Variants in WDFY4 observed in about 807,000 individuals in gnomAD.
WDFY4 encodes WD repeat- and FYVE domain-containing protein 4.
Under a neutral mutation model 351.9 loss-of-function variants are expected in WDFY4, and 169 were observed. That is an observed-to-expected ratio of 0.48 (90% confidence interval 0.42 to 0.55). WDFY4 has a LOEUF of 0.55. WDFY4 is among the 20% of genes least tolerant of loss of function. The probability of loss-of-function intolerance (pLI) is 0.00; values close to 1 mark genes in which losing one functional copy is unlikely to be tolerated. For missense variants in WDFY4, 3,803 were observed against 3,935.6 expected (o/e 0.97, Z 0.90); for synonymous variants, 1,622 against 1,574.6 (o/e 1.03, Z -0.71).
At chr10:48,946,779 A>G (rs1841064391) in intron 50 of WDFY4, 81 bp from the exon 51 acceptor site, 2 of 1,037,810 alleles carry the variant, frequency 1.9e-6, no homozygotes, top group Non-Finnish European at 2.9e-6. Flanking sequence ...AATGCCGTTC[A>G]TGAACACAGT....
chr10:48,775,759 A>G lies in WDFY4; in HGVS notation c.2816A>G (p.Lys939Arg). The G allele has an allele frequency of 1.3e-6, 2 of 1,551,734 alleles. No individual in the cohort carries two copies. The highest frequency in any genetic ancestry group is 1.7e-6 in the Non-Finnish European group (2 of 1,147,002). ...CCCTCATCTCTGTCGGCCACAACAA[A>G]AATCCTTGATTCATCTCACACACAC... ...GIPSSLSATT[K>R]ILDSSHTHRG... Residue 939 changes from lysine (K) to arginine (R), a missense_variant, in exon 15 of 62, where the codon AAA becomes AGA. By Grantham distance (26) the Lys-to-Arg change is conservative (BLOSUM62 2). Transcript: ENST00000325239.
At chr10:48,977,201 C>CACACACAG in intron 59 of WDFY4, 1 of 345,768 alleles carries the variant, frequency 2.9e-6, no homozygotes, top group East Asian at 4.4e-5. Flanking sequence ...CACATGCACA[C>CACACACAG]ACACACAGAC....
chr10:48,826,912 A>G lies in WDFY4; in HGVS notation c.6221+3A>G, dbSNP rs2068027883. ...CTTTTGCTACTCAATGAGAGAAGGTAAGAGCTGCCCACTTGTTTCCTTGTC... is the reference window on the plus strand; with the variant it reads ...CTTTTGCTACTCAATGAGAGAAGGTGAGAGCTGCCCACTTGTTTCCTTGTC... On this transcript the variant is annotated splice_donor_region_variant and intron_variant, in intron 36 of 61. Coordinates refer to ENST00000325239, the MANE Select transcript of WDFY4 (RefSeq NM_001394531.1). 6.4e-7 allele frequency: 1 copy of G among 1,550,456 alleles called. No homozygotes were observed. Among genetic ancestry groups the G allele is most frequent in the Non-Finnish European group, 8.7e-7 (1 of 1,145,888 alleles).
chr10:48,777,543 T>G, intron 17 of WDFY4, 48 bp downstream of exon 17: 1 of 1,503,528 alleles, frequency 6.7e-7, no homozygotes, highest in Non-Finnish European at 9.1e-7. Context: ...TTCCAAAGTA[T>G]GAGTCTTCAG....
At chr10:48,736,521 T>C (rs548561109) in intron 11 of WDFY4, among the ~76,000 whole-genome samples, 55 of 152,348 alleles carry the variant, frequency 3.6e-4, no homozygotes, top group African/African-American at 1.3e-3. Flanking sequence ...CACAACACTG[T>C]AAACTATGGA....
intron 47 of WDFY4, among the ~76,000 whole-genome samples, chr10:48,939,484 C>T (rs1840633934): frequency 1.3e-5 from 2 of 152,334 alleles, no homozygotes; most frequent in South Asian, 2.1e-4. Context: ...CCTGACTTCA[C>T]AGCCAGAGCT....
chr10:48,747,117 A>G (rs531073876), intron 12 of WDFY4, among the ~76,000 whole-genome samples: 1 of 152,264 alleles, frequency 6.6e-6, no homozygotes, highest in South Asian at 2.1e-4. Context: ...TTTTCTCCCT[A>G]ATTGCAGAAA....
At position 48,982,648 on chromosome 10, in the gene WDFY4, C is replaced by T; in HGVS notation, c.*73C>T. 6.8e-7 allele frequency: 1 copy of T among 1,470,146 alleles called. No homozygotes were observed. The highest frequency in any genetic ancestry group is 9.3e-7 in the Non-Finnish European group (1 of 1,078,346). The allele number at this position is 1,470,146 out of a possible 1,614,324, so 91.1% of individuals were successfully genotyped here. ...GTGGCAGAGGTGACTGGGGCCTGAG[C>T]TCTGCCTACAGAAGAAACCCCCAGG... On this transcript the variant is annotated 3_prime_UTR_variant, in exon 62 of 62. Transcript: ENST00000325239.
intron 24 of WDFY4, among the ~76,000 whole-genome samples, chr10:48,797,595 C>A (rs2066917997): frequency 6.9e-6 from 1 of 144,136 alleles, no homozygotes; most frequent in African/African-American, 2.8e-5. Flanking sequence ...TAAACATTTT[C>A]ATTACAAACA....
At chr10:48,748,488 T>G (rs1432585811) in intron 12 of WDFY4, among the ~76,000 whole-genome samples, 1 of 152,182 alleles carries the variant, frequency 6.6e-6, no homozygotes, top group Non-Finnish European at 1.5e-5. Context: ...CTTCCTGTTT[T>G]TTTCCTGATA....
At chr10:48,716,166 C>A (rs917499741) in intron 2 of WDFY4, among the ~76,000 whole-genome samples, 17 of 152,144 alleles carry the variant, frequency 1.1e-4, no homozygotes, top group Non-Finnish European at 1.9e-4. Flanking sequence ...AAACTTCATG[C>A]AAAGTCTCAG....
In WDFY4 at chr10:48,716,358, T is replaced by C. The variant is rs377347917; in HGVS notation, c.235-3653T>C. On this transcript the variant is annotated intron_variant, in intron 2 of 61. Coordinates refer to ENST00000325239, the MANE Select transcript of WDFY4 (RefSeq NM_001394531.1). ...TTTTCCTTTGGAGACCAGAGCATCA[T>C]TTTCTTTCTCTTTCTTCCATGTGAA... Among the ~76,000 whole-genome samples the C allele has an allele frequency of 9.8e-5, 15 of 152,330 alleles. No individual in the cohort carries two copies. The East Asian group carries it at 2.1e-3, about 22-fold the overall frequency.
intron 4 of WDFY4, 125 bp from the exon 5 acceptor site, chr10:48,723,308 G>C (rs748002553): frequency 2.4e-6 from 3 of 1,227,778 alleles, no homozygotes; most frequent in Non-Finnish European, 3.3e-6. Context: ...CACACTTGAG[G>C]ACTGGAGCCC....
chr10:48,687,057 A>G (rs567388739), intron 1 of WDFY4, among the ~76,000 whole-genome samples: 1 of 152,280 alleles, frequency 6.6e-6, no homozygotes, highest in East Asian at 1.9e-4. Context: ...ATTTCTGCCA[A>G]TCTGGTAGAA....
At chr10:48,881,936 C>T (rs1282219459) in intron 43 of WDFY4, among the ~76,000 whole-genome samples, 3 of 152,244 alleles carry the variant, frequency 2.0e-5, no homozygotes, top group Admixed American at 1.3e-4. Context: ...CCCCAGCCCC[C>T]TCTTATTGCC....
At chr10:48,887,868 T>C (rs2070532422) in intron 43 of WDFY4, among the ~76,000 whole-genome samples, 1 of 152,202 alleles carries the variant, frequency 6.6e-6, no homozygotes, top group Non-Finnish European at 1.5e-5. Context: ...TTGCCTGTTA[T>C]GTCAAAACAT....
intron 12 of WDFY4, among the ~76,000 whole-genome samples, chr10:48,749,218 A>G (rs1168156665): frequency 6.6e-6 from 1 of 152,190 alleles, no homozygotes; most frequent in Non-Finnish European, 1.5e-5. Flanking sequence ...ATGTTATGTA[A>G]TTCCAAAAAT....
At chr10:48,810,951 G>A (rs1431537748) in intron 29 of WDFY4, among the ~76,000 whole-genome samples, 1 of 152,156 alleles carries the variant, frequency 6.6e-6, no homozygotes, top group South Asian at 2.1e-4. Context: ...ACTGGAGGCT[G>A]CCTTCCATTC....
chr10:48,878,590 C>A (rs1475304299), intron 43 of WDFY4: 1 of 152,566 alleles, frequency 6.6e-6, no homozygotes, highest in Non-Finnish European at 1.5e-5. Context: ...CTCCAACACA[C>A]CTAGCCATCA....
Sources: gnomAD v4.1 joint callset for allele counts (sites outside exome capture counted in the v4.1 genomes callset) on GRCh38, gnomAD v4.1.1 for gene constraint, MANE v1.5 for transcripts, NCBI Gene and HGNC (gene_info 2026-07-23, HGNC 2026-07-21) for gene names.